LINGO2: variants seen among roughly 807,000 people sequenced by gnomAD.
LINGO2 encodes leucine-rich repeat and immunoglobulin-like domain-containing nogo receptor-interacting protein 2.
A neutral mutation model predicts 30.6 loss-of-function variants in LINGO2; 14 were observed. The ratio of observed to expected loss-of-function variants is 0.46; its 90% CI spans 0.30 to 0.72. The LOEUF is 0.72. Among genes scored for constraint, LINGO2 ranks in the 30% least tolerant of loss-of-function variants. The pLI, the probability that LINGO2 is intolerant of heterozygous loss-of-function variation, is 0.07. For missense variants in LINGO2, 729 were observed against 751.7 expected (o/e 0.97, Z 0.35); for synonymous variants, 317 against 288.5 (o/e 1.10, Z -1.00).
At chr9:28,175,216 C>T (rs2133682559) in intron 4 of LINGO2, among the ~76,000 whole-genome samples, 1 of 152,240 alleles carries the variant, frequency 6.6e-6, no homozygotes. Context: ...TGTTCAGTAG[C>T]TCACCTGAGG....
At chr9:28,817,327 T>G in the LINGO2 span, among the ~76,000 whole-genome samples, 19 of 152,202 alleles carry the variant, frequency 1.2e-4, no homozygotes, top group African/African-American at 2.4e-5. Context: ...TTAACTAAGT[T>G]ATGCAGAAAT....
intron 3 of LINGO2, among the ~76,000 whole-genome samples, chr9:28,332,522 C>T (rs1197226601): frequency 6.6e-6 from 1 of 151,780 alleles, no homozygotes; most frequent in African/African-American, 2.4e-5. Flanking sequence ...CTCAAATCAT[C>T]CTAGGGTGGT....
At chr9:28,743,701 G>C in the LINGO2 span, among the ~76,000 whole-genome samples, 8 of 151,708 alleles carry the variant, frequency 5.3e-5, no homozygotes, top group Non-Finnish European at 4.4e-5. Flanking sequence ...GGGATGAGTA[G>C]TTTTTTTGTT....
chr9:28,729,620 T>TA, the LINGO2 span, among the ~76,000 whole-genome samples: 101 of 150,564 alleles, frequency 6.7e-4, 1 homozygote, highest in East Asian at 0.016. Flanking sequence ...AATGAAAACT[T>TA]AAAAAAAACA....
chr9:28,011,662 T>A (rs1038308719), intron 5 of LINGO2, among the ~76,000 whole-genome samples: 1 of 152,190 alleles, frequency 6.6e-6, no homozygotes, highest in Non-Finnish European at 1.5e-5. Context: ...GATATATATA[T>A]TAGTTAGAAG....
chr9:29,048,181 A>T, the LINGO2 span, among the ~76,000 whole-genome samples: 34 of 152,036 alleles, frequency 2.2e-4, no homozygotes, highest in South Asian at 5.8e-3. Context: ...ACAATGAAAA[A>T]TGTGAAAAAG....
At chr9:28,931,850 C>T in the LINGO2 span, among the ~76,000 whole-genome samples, 31 of 151,246 alleles carry the variant, frequency 2.0e-4, no homozygotes, top group Non-Finnish European at 2.9e-4. Context: ...TGGCTCATGC[C>T]TGTAATCCCA....
chr9:28,821,180 C>A, the LINGO2 span, among the ~76,000 whole-genome samples: 33 of 152,280 alleles, frequency 2.2e-4, 1 homozygote, highest in South Asian at 6.8e-3. Context: ...AAGTGAGCAT[C>A]ACACAGGGTG....
In LINGO2 at chr9:28,227,820, G is replaced by C. The variant is rs372376880; in HGVS notation, c.-87+67388C>G. Among the ~76,000 whole-genome samples the C allele has an allele frequency of 7.6e-4, 116 of 152,048 alleles. 1 individual carries two copies. In the South Asian group the frequency reaches 0.022, roughly 29 times the overall value. On this transcript the variant is annotated intron_variant, in intron 4 of 5. Coordinates refer to ENST00000379992, the Ensembl canonical transcript of LINGO2. ...GCTTGCCATATGTCTGATAGTCAAA[G>C]GAAGGTTCAGGAAAGATGGCAGCAA...
the LINGO2 span, among the ~76,000 whole-genome samples, chr9:29,190,260 T>C: frequency 2.0e-5 from 3 of 152,170 alleles, no homozygotes; most frequent in Non-Finnish European, 2.9e-5. Flanking sequence ...ATGGCCAAGA[T>C]AACTACAATA....
the LINGO2 span, among the ~76,000 whole-genome samples, chr9:28,820,861 G>T: frequency 4.4e-3 from 669 of 152,234 alleles, 15 homozygotes; most frequent in East Asian, 0.067. Flanking sequence ...CACAGTTCCC[G>T]CAGCTTTACA....
At position 28,224,894 on chromosome 9, in the gene LINGO2, A is replaced by T. The variant is rs73447943; in HGVS notation, c.-87+70314T>A. Among the ~76,000 whole-genome samples the T allele has an allele frequency of 8.4e-3, 1,285 of 152,290 alleles. 21 individuals are homozygous for T. The highest frequency in any genetic ancestry group is 0.029 in the African/African-American group (1,208 of 41,568). On this transcript the variant is annotated intron_variant, in intron 4 of 5. Transcript: ENST00000379992. ...TCGAAATATACTACTAAGCTATAGT[A>T]CAAAAACAGCAACATAAAAACAGAC...
the LINGO2 span, among the ~76,000 whole-genome samples, chr9:29,166,526 T>C: frequency 6.6e-6 from 1 of 152,080 alleles, no homozygotes; most frequent in Non-Finnish European, 1.5e-5. Context: ...ATCTTACAGA[T>C]GAAAAACTAG....
At chr9:28,109,241 T>C (rs1826696187) in intron 4 of LINGO2, among the ~76,000 whole-genome samples, 1 of 152,180 alleles carries the variant, frequency 6.6e-6, no homozygotes, top group Non-Finnish European at 1.5e-5. Flanking sequence ...TGATGGAACA[T>C]ATCTCAAAAT....
chr9:27,979,994 G>A (rs552592294), intron 5 of LINGO2, among the ~76,000 whole-genome samples: 225 of 151,952 alleles, frequency 1.5e-3, no homozygotes, highest in Non-Finnish European at 2.6e-3. Context: ...GTTGGATTCC[G>A]GTCCCATCCT....
At chr9:28,306,067 T>C (rs986953968) in intron 3 of LINGO2, among the ~76,000 whole-genome samples, 1 of 152,086 alleles carries the variant, frequency 6.6e-6, no homozygotes, top group Non-Finnish European at 1.5e-5. Context: ...GATCAATTTA[T>C]GAATTATTTT....
At chr9:28,121,251 G>A (rs1228703967) in intron 4 of LINGO2, among the ~76,000 whole-genome samples, 5 of 151,964 alleles carry the variant, frequency 3.3e-5, no homozygotes, top group African/African-American at 4.8e-5. Context: ...TTTTACTAAC[G>A]GCACATGGAT....
the LINGO2 span, among the ~76,000 whole-genome samples, chr9:28,989,135 C>T: frequency 6.6e-6 from 1 of 152,246 alleles, no homozygotes; most frequent in East Asian, 1.9e-4. Context: ...ACCACCAGTA[C>T]CTTCAAAGGA....
At chr9:29,118,163 A>G in the LINGO2 span, among the ~76,000 whole-genome samples, 1 of 152,118 alleles carries the variant, frequency 6.6e-6, no homozygotes. Flanking sequence ...TGCTGTTGGT[A>G]TTTGGGTTCC....
Sources: gnomAD v4.1 joint callset for allele counts (sites outside exome capture counted in the v4.1 genomes callset) on GRCh38, gnomAD v4.1.1 for gene constraint, MANE v1.5 for transcripts, NCBI Gene and HGNC (gene_info 2026-07-23, HGNC 2026-07-21) for gene names.